The following FOXP1 variants were observed in gnomAD, a reference collection of about 807,000 sequenced individuals.
FOXP1 encodes the protein forkhead box protein P1.
In FOXP1, 15 loss-of-function variants were observed where a neutral mutation model predicts 98.2. The observed-to-expected ratio is 0.15, with a 90% CI of 0.10 to 0.24. FOXP1 has a LOEUF of 0.24. FOXP1 is among the 10% of genes least tolerant of loss of function. The pLI, the probability that FOXP1 is intolerant of heterozygous loss-of-function variation, is 1.00. For synonymous variants in FOXP1, 371 were observed against 314.5 expected (o/e 1.18, Z -1.90); for missense variants, 633 against 848.5 (o/e 0.75, Z 3.15).
chr3:71,555,979 T>C (rs111583657), intron 2 of FOXP1, among the ~76,000 whole-genome samples: 1 of 151,868 alleles, frequency 6.6e-6, no homozygotes, highest in Non-Finnish European at 1.5e-5. Flanking sequence ...TAAACAATTA[T>C]AAGAAAATAA....
At chr3:71,111,395 G>T (rs2057908167) in intron 7 of FOXP1, among the ~76,000 whole-genome samples, 1 of 152,072 alleles carries the variant, frequency 6.6e-6, no homozygotes, top group South Asian at 2.1e-4. Context: ...ACCCAAATTA[G>T]ATTTTTTTTG....
chr3:71,217,828 T>C (rs1194766618), intron 5 of FOXP1, among the ~76,000 whole-genome samples: 1 of 152,148 alleles, frequency 6.6e-6, no homozygotes, highest in East Asian at 1.9e-4. Flanking sequence ...TTCTCCCTGC[T>C]TCCAGAGTGC....
intron 3 of FOXP1, among the ~76,000 whole-genome samples, chr3:71,484,665 GTAT>G (rs2090526057): frequency 6.6e-6 from 1 of 152,102 alleles, no homozygotes; most frequent in Non-Finnish European, 1.5e-5. Context: ...CGGGGTTACG[GTAT>G]TATTGAGTCC....
rs1255677412 is a variant in FOXP1 at position 71,556,736 on chromosome 3, T to C, written c.-298+24813A>G. On this transcript the variant is annotated intron_variant, in intron 2 of 20. Coordinates refer to ENST00000649528, the MANE Select transcript of FOXP1 (RefSeq NM_001349338.3). ...CCCAAACCATAACAAATAGGTGACA[T>C]AGTCAAGAGAATATCAATGTTCACC... is the stretch of plus-strand genomic sequence containing the variant. 3.3e-5 allele frequency among the ~76,000 whole-genome samples: 5 copies of C among 151,610 alleles called. No homozygotes were observed. The East Asian group carries it at 7.7e-4, about 23-fold the overall frequency.
rs202134019 is a variant in FOXP1, at chr3:71,396,916, GTGTA to G, written c.-167-37676_-167-37673del. Among the ~76,000 whole-genome samples, 134 of 89,278 alleles carry G rather than the reference GTGTA, an allele frequency of 1.5e-3. 4 individuals are homozygous for G. The highest frequency in any genetic ancestry group is 2.6e-3 in the African/African-American group (55 of 21,108). The allele number at this position is 89,278 out of a possible 152,430, so 58.6% of individuals were successfully genotyped here. A position where few individuals can be genotyped will look rare whatever the true frequency, so the allele number is the denominator to read the frequency against. ...TGAGTCATAAGGAACATATATATGTGTGTATATATATATATATACACATATATAT... is the reference window on the plus strand; with the variant it reads ...TGAGTCATAAGGAACATATATATGTGTATATATATATATACACATATATAT... On this transcript the variant is annotated intron_variant, in intron 3 of 20. Coordinates refer to ENST00000649528, the MANE Select transcript of FOXP1 (RefSeq NM_001349338.3).
At chr3:71,382,332 G>A (rs992802261) in intron 3 of FOXP1, among the ~76,000 whole-genome samples, 2 of 152,142 alleles carry the variant, frequency 1.3e-5, no homozygotes, top group African/African-American at 4.8e-5. Context: ...ATTTAAGGCT[G>A]TGTCCCCAGC....
chr3:71,427,847 CAAAGA>C (rs1224885749), intron 3 of FOXP1, among the ~76,000 whole-genome samples: 1 of 152,040 alleles, frequency 6.6e-6, no homozygotes, highest in Non-Finnish European at 1.5e-5. Context: ...GAGCAGGCAC[CAAAGA>C]AAAGATGACA....
chr3:71,083,981 C>A (rs954920001), intron 7 of FOXP1, among the ~76,000 whole-genome samples: 2 of 152,124 alleles, frequency 1.3e-5, no homozygotes, highest in Non-Finnish European at 2.9e-5. Flanking sequence ...TGAGGGAAAC[C>A]CCAAATTACA....
intron 16 of FOXP1, 48 bp downstream of exon 16, chr3:70,977,595 A>G: frequency 7.1e-7 from 1 of 1,414,076 alleles, no homozygotes; most frequent in South Asian, 1.2e-5. Context: ...ATATCCATGT[A>G]CACATATACC....
intron 5 of FOXP1, among the ~76,000 whole-genome samples, chr3:71,200,553 G>C (rs1032029759): frequency 6.6e-6 from 1 of 152,198 alleles, no homozygotes; most frequent in African/African-American, 2.4e-5. Flanking sequence ...CAAGTTCACA[G>C]ACCAGAATTT....
chr3:71,494,986 T>G (rs2091308167), intron 2 of FOXP1, among the ~76,000 whole-genome samples: 2 of 151,980 alleles, frequency 1.3e-5, no homozygotes, highest in Non-Finnish European at 2.9e-5. Flanking sequence ...TTGTTTACCA[T>G]CTTTAGGATA....
intron 7 of FOXP1, among the ~76,000 whole-genome samples, chr3:71,090,457 G>A (rs1559907912): frequency 1.3e-5 from 2 of 152,170 alleles, no homozygotes; most frequent in South Asian, 2.1e-4. Flanking sequence ...GCAATGAAGA[G>A]TAACAAATTA....
chr3:71,015,777 T>A (rs2044374371), intron 11 of FOXP1, 124 bp from the exon 12 acceptor site: 1 of 653,610 alleles, frequency 1.5e-6, no homozygotes, highest in Non-Finnish European at 2.8e-6. Context: ...ATCTGTGATT[T>A]CCCCCATCCC....
intron 7 of FOXP1, among the ~76,000 whole-genome samples, chr3:71,100,061 A>G (rs2056822599): frequency 6.6e-6 from 1 of 152,222 alleles, no homozygotes; most frequent in South Asian, 2.1e-4. Context: ...TCTGACATGG[A>G]TCAGCATAGA....
At chr3:71,429,140 C>T (rs576471657) in intron 3 of FOXP1, among the ~76,000 whole-genome samples, 1 of 152,234 alleles carries the variant, frequency 6.6e-6, no homozygotes, top group Admixed American at 6.5e-5. Flanking sequence ...TGCAGGCTGC[C>T]CTCATGCTCT....
chr3:71,337,804 C>G (rs2076777285), intron 4 of FOXP1, among the ~76,000 whole-genome samples: 1 of 152,202 alleles, frequency 6.6e-6, no homozygotes, highest in Admixed American at 6.5e-5. Context: ...GATAACTAAT[C>G]ATTTCAATTA....
intron 3 of FOXP1, among the ~76,000 whole-genome samples, chr3:71,399,856 G>A (rs963776585): frequency 6.6e-6 from 1 of 152,026 alleles, no homozygotes; most frequent in Admixed American, 6.6e-5. Context: ...CTCTACAAAT[G>A]GCTCTACGAA....
chr3:71,345,451 T>C (rs1653965), intron 4 of FOXP1, among the ~76,000 whole-genome samples: 138,107 of 150,668 alleles, frequency 0.92, 64,507 homozygotes, highest in East Asian at 1. Flanking sequence ...CACATATATA[T>C]ACCAAAAAGA....
intron 2 of FOXP1, chr3:71,570,483 T>A (rs1402008042): frequency 6.6e-6 from 1 of 152,276 alleles, no homozygotes; most frequent in Non-Finnish European, 1.5e-5. Flanking sequence ...TGACACACGG[T>A]GCATGGTCCA....
Sources: gnomAD v4.1 joint callset for allele counts (sites outside exome capture counted in the v4.1 genomes callset) on GRCh38, gnomAD v4.1.1 for gene constraint, MANE v1.5 for transcripts, NCBI Gene and HGNC (gene_info 2026-07-23, HGNC 2026-07-21) for gene names.